Variants in BMS1 observed in about 807,000 individuals in gnomAD.
BMS1 encodes the protein ribosome biogenesis protein BMS1 homolog.
Under a neutral mutation model 138.7 loss-of-function variants are expected in BMS1, and 53 were observed. That is an observed-to-expected ratio of 0.38 (90% CI 0.31 to 0.48). The LOEUF (loss-of-function observed/expected upper bound fraction) is 0.48, where lower values mean the gene tolerates loss of function less well. Among genes scored for constraint, BMS1 ranks in the 20% least tolerant of loss-of-function variants. The probability of loss-of-function intolerance (pLI) is 0.97; values close to 1 mark genes in which losing one functional copy is unlikely to be tolerated. For synonymous variants in BMS1, 504 were observed against 539.9 expected, an observed-to-expected ratio of 0.93 and a Z score of 0.92; for missense variants, 1,360 against 1,565.5, an observed-to-expected ratio of 0.87 and a Z score of 2.22.
In BMS1 at chr10:42,797,621, A is replaced by G; in HGVS notation, c.2089+98A>G. On this transcript the variant is annotated intron_variant, in intron 11 of 22. Transcript: ENST00000374518. The stretch of plus-strand genomic sequence containing the variant: ...GATTCGGCTGGTATTGTTGACATCC[A>G]TAATTGCTGTCCATCACATTTCATA... The G allele has an allele frequency of 7.9e-6, 9 of 1,133,284 alleles. No individual in the cohort carries two copies. In the South Asian group the frequency reaches 8.1e-5, roughly 10 times the overall value. 70.2% of individuals were successfully genotyped at this position (1,133,284 alleles called of 1,614,324 possible). A position where few individuals can be genotyped will look rare whatever the true frequency, so the allele number is the denominator to read the frequency against.
chr10:42,820,467 A>G, intron 16 of BMS1, 41 bp from the exon 17 acceptor site: 1 of 1,611,402 alleles, frequency 6.2e-7, no homozygotes, highest in Non-Finnish European at 8.5e-7. Context: ...GGCTCTGTGG[A>G]TTTCCCCTCC....
chr10:42,808,594 G>T (rs1051045720), intron 13 of BMS1, among the ~76,000 whole-genome samples: 1 of 151,784 alleles, frequency 6.6e-6, no homozygotes, highest in African/African-American at 2.4e-5. Flanking sequence ...CCACCGTGTC[G>T]GGCCAAAAGT....
chr10:42,825,135 A>G (rs1842602408), intron 21 of BMS1, among the ~76,000 whole-genome samples: 3 of 152,036 alleles, frequency 2.0e-5, no homozygotes, highest in South Asian at 4.1e-4. Flanking sequence ...CAGCCTCCCA[A>G]GTAGCTGGGA....
At chr10:42,815,376 T>A (rs1479788207) in intron 13 of BMS1, among the ~76,000 whole-genome samples, 3 of 152,188 alleles carry the variant, frequency 2.0e-5, no homozygotes, top group Non-Finnish European at 4.4e-5. Context: ...TCTTCTTTTT[T>A]AAAAAAATAA....
intron 13 of BMS1, among the ~76,000 whole-genome samples, chr10:42,808,319 G>T (rs1352587857): frequency 1.3e-5 from 2 of 149,882 alleles, no homozygotes; most frequent in African/African-American, 4.9e-5. Context: ...TGTTTTTTGA[G>T]ACAGAGTCTC....
intron 12 of BMS1, 120 bp from the exon 13 acceptor site, chr10:42,802,017 T>G (rs1841888499): frequency 3.0e-6 from 2 of 667,636 alleles, no homozygotes; most frequent in Non-Finnish European, 5.1e-6. Flanking sequence ...TCATTTGGAA[T>G]GAGAATATCC....
chr10:42,791,863 G>A (rs996532336), intron 6 of BMS1, 94 bp downstream of exon 6: 7 of 1,420,480 alleles, frequency 4.9e-6, no homozygotes, highest in African/African-American at 4.3e-5. Context: ...ATTTTGTGCC[G>A]ATTTGAATAG....
Position 42,811,052 on chromosome 10 carries a change from T to A in BMS1, c.2330-5547T>A, listed in dbSNP as rs987190110. On this transcript the variant is annotated intron_variant, in intron 13 of 22. Transcript: ENST00000374518. ...CTGCCCTTTATTTATTATTATTATT[T>A]TTTTTTTGAGACTGAGTTTCACTCT... is the stretch of plus-strand genomic sequence containing the variant. Among the ~76,000 whole-genome samples, 29 of 152,072 alleles carry A rather than the reference T, an allele frequency of 1.9e-4. No homozygotes were observed. The East Asian group carries it at 2.9e-3, about 15-fold the overall frequency.
In BMS1 at chr10:42,830,848, G is replaced by A. The variant is rs191583834; in HGVS notation, c.3619-18G>A. On this transcript the variant is annotated intron_variant, in intron 22 of 22. Coordinates refer to ENST00000374518, the MANE Select transcript of BMS1 (RefSeq NM_014753.4). ...GTCTGAGAGCATTCTGATACTCACC[G>A]GCTTTTGTCCTTGTCAGATCCTTGC... The A allele has an allele frequency of 3.7e-4, 586 of 1,595,864 alleles. 2 individuals are homozygous for A. The East Asian group carries it at 9.9e-3, about 27-fold the overall frequency.
In BMS1 at chr10:42,832,643, T is replaced by C. The variant is rs541804716; in HGVS notation, c.*1547T>C. On this transcript the variant is annotated 3_prime_UTR_variant, in exon 23 of 23. Transcript: ENST00000374518. The stretch of plus-strand genomic sequence containing the variant: ...TGAGAGGCTCTCTAAAAGCCTAAAG[T>C]CTGTAGGCAGGTGCTCAGCTTTGTA... 1 of 152,112 alleles carries C rather than the reference T, an allele frequency of 6.6e-6. No homozygotes were observed. The highest frequency in any genetic ancestry group is 6.5e-5 in the Admixed American group (1 of 15,284). The allele number at this position is 152,112 out of a possible 1,614,324, so 9.4% of individuals were successfully genotyped here.
rs1281168788 is a variant in BMS1, at chr10:42,796,697, C to T, written c.1453C>T (p.Arg485Ter). 4 of 1,613,948 alleles carry T rather than the reference C, an allele frequency of 2.5e-6. No individual in the cohort carries two copies. Among genetic ancestry groups the T allele is most frequent in the Non-Finnish European group, 3.4e-6 (4 of 1,180,040 alleles). Reference sequence around the variant, plus strand: ...GTATATGGCTGTTAAGGGCATCAAACGACGGAAACTTGAGTTGGAAGAAGA... The same window carrying T: ...GTATATGGCTGTTAAGGGCATCAAATGACGGAAACTTGAGTTGGAAGAAGA... ...DQYMAVKGIK[R>*]RKLELEEDSE... The change falls in exon 10 of 23, where the codon CGA becomes TGA. Residue 485 changes from arginine to a stop codon, truncating the protein, a stop_gained. Transcript: ENST00000374518. LOFTEE classifies it high-confidence loss of function.
At chr10:42,815,187 C>G (rs1322744686) in intron 13 of BMS1, among the ~76,000 whole-genome samples, 1 of 152,154 alleles carries the variant, frequency 6.6e-6, no homozygotes, top group African/African-American at 2.4e-5. Flanking sequence ...TTGAGTCTTT[C>G]TTTTCAAATG....
intron 4 of BMS1, among the ~76,000 whole-genome samples, chr10:42,789,818 A>G (rs1258284234): frequency 6.6e-6 from 1 of 152,228 alleles, no homozygotes; most frequent in Non-Finnish European, 1.5e-5. Context: ...TTTGGATGCC[A>G]GAGACCTGTT....
In BMS1 at chr10:42,830,533, A is replaced by G. The variant is rs556223757; in HGVS notation, c.3618+111A>G. ...CTCAGTTATTCAGGGCACTGGAACT[A>G]AAGTCAGAGGAAGAGCCAGAGTCCA... is the stretch of plus-strand genomic sequence containing the variant. On this transcript the variant is annotated intron_variant, in intron 22 of 22. Transcript: ENST00000374518. The G allele has an allele frequency of 3.4e-5, 47 of 1,399,522 alleles. No individual in the cohort carries two copies. In the East Asian group the frequency reaches 1.1e-3, roughly 33 times the overall value. 86.7% of individuals were successfully genotyped at this position (1,399,522 alleles called of 1,614,324 possible). A position where few individuals can be genotyped will look rare whatever the true frequency, so the allele number is the denominator to read the frequency against.
chr10:42,785,091 A>G (rs890613534), intron 2 of BMS1, among the ~76,000 whole-genome samples: 2 of 152,236 alleles, frequency 1.3e-5, no homozygotes, highest in African/African-American at 4.8e-5. Context: ...ACCAGTAAGT[A>G]GGAGAGCTAA....
intron 13 of BMS1, among the ~76,000 whole-genome samples, chr10:42,815,980 C>T (rs1327028106): frequency 6.6e-6 from 1 of 152,154 alleles, no homozygotes; most frequent in Non-Finnish European, 1.5e-5. Context: ...GTTTGGGGGA[C>T]ACACATAGAC....
At chr10:42,803,723 A>G (rs1841938278) in intron 13 of BMS1, among the ~76,000 whole-genome samples, 1 of 152,178 alleles carries the variant, frequency 6.6e-6, no homozygotes. Context: ...TTTTCAAAAG[A>G]AAGTGTGGTG....
intron 21 of BMS1, among the ~76,000 whole-genome samples, chr10:42,826,546 G>A (rs1354818776): frequency 6.6e-6 from 1 of 152,146 alleles, no homozygotes; most frequent in Non-Finnish European, 1.5e-5. Flanking sequence ...TCGGGGGCAG[G>A]GACCAGTGCA....
At chr10:42,807,140 TC>T (rs1366848966) in intron 13 of BMS1, among the ~76,000 whole-genome samples, 1 of 152,198 alleles carries the variant, frequency 6.6e-6, no homozygotes, top group African/African-American at 2.4e-5. Context: ...ACGGAGCAGT[TC>T]CATCACAAGG....
Sources: gnomAD v4.1 joint callset for allele counts (sites outside exome capture counted in the v4.1 genomes callset) on GRCh38, gnomAD v4.1.1 for gene constraint, MANE v1.5 for transcripts, NCBI Gene and HGNC (gene_info 2026-07-23, HGNC 2026-07-21) for gene names.